The following EEPD1 variants were observed in gnomAD, a reference collection of about 807,000 sequenced individuals.
The protein encoded by EEPD1 is endonuclease/exonuclease/phosphatase family domain containing 1, also known as endonuclease/exonuclease/phosphatase family domain-containing protein 1.
In EEPD1, 17 loss-of-function variants were observed where a neutral mutation model predicts 46.3. The ratio of observed to expected loss-of-function variants is 0.37; its 90% CI spans 0.25 to 0.55. The LOEUF (loss-of-function observed/expected upper bound fraction) is 0.55. EEPD1 is among the 20% of genes least tolerant of loss of function. The probability of loss-of-function intolerance (pLI) is 0.83; values close to 1 mark genes in which losing one functional copy is unlikely to be tolerated. For synonymous variants in EEPD1, 313 were observed against 315.6 expected, an observed-to-expected ratio of 0.99 and a Z score of 0.09; for missense variants, 673 against 745.6, an observed-to-expected ratio of 0.90 and a Z score of 1.13.
chr7:36,270,429 G>C (rs58844587), intron 3 of EEPD1, among the ~76,000 whole-genome samples: 3 of 152,054 alleles, frequency 2.0e-5, no homozygotes, highest in Non-Finnish European at 4.4e-5. Flanking sequence ...ATCTACATTA[G>C]GTATATCTCC....
chr7:36,198,359 G>GAAAAAAAAAAAA (rs1381831424), intron 2 of EEPD1, among the ~76,000 whole-genome samples: 11 of 39,638 alleles, frequency 2.8e-4, no homozygotes, highest in East Asian at 7.5e-4. Context: ...AAAAAAAAAA[G>GAAAAAAAAAAAA]AAAGATATTT....
chr7:36,162,893 G>A (rs981345241), intron 2 of EEPD1, among the ~76,000 whole-genome samples: 1 of 152,162 alleles, frequency 6.6e-6, no homozygotes, highest in African/African-American at 2.4e-5. Flanking sequence ...ATTTAAGGTT[G>A]CACATGCTTT....
chr7:36,231,599 C>T (rs1786329902), intron 2 of EEPD1, among the ~76,000 whole-genome samples: 1 of 152,148 alleles, frequency 6.6e-6, no homozygotes, highest in Non-Finnish European at 1.5e-5. Flanking sequence ...GAAGCAGCTT[C>T]CTAACCCCTG....
At position 36,195,735 on chromosome 7, in the gene EEPD1, G is replaced by A. The variant is rs534414385; in HGVS notation, c.878+40533G>A. 3.9e-5 allele frequency among the ~76,000 whole-genome samples: 6 copies of A among 152,246 alleles called. No individual in the cohort carries two copies. The South Asian group carries it at 1.2e-3, about 32-fold the overall frequency. Reference sequence around the variant, plus strand: ...ATGTATTCTATAATTGAAAATTACTGAGAGTAGATTATAAGTGTTCTTATC... The same window carrying A: ...ATGTATTCTATAATTGAAAATTACTAAGAGTAGATTATAAGTGTTCTTATC... On this transcript the variant is annotated intron_variant, in intron 2 of 7. Coordinates refer to ENST00000242108, the MANE Select transcript of EEPD1 (RefSeq NM_030636.3).
chr7:36,172,458 CT>C (rs1186428437), intron 2 of EEPD1, among the ~76,000 whole-genome samples: 1 of 152,148 alleles, frequency 6.6e-6, no homozygotes, highest in African/African-American at 2.4e-5. Flanking sequence ...CTCTGTGCCC[CT>C]TCTGCCGTAC....
intron 2 of EEPD1, among the ~76,000 whole-genome samples, chr7:36,197,890 T>TA (rs879300933): frequency 6.0e-3 from 804 of 133,026 alleles, no homozygotes; most frequent in Non-Finnish European, 9.8e-3. Context: ...GAATGATCAA[T>TA]AAAAAAAAAA....
intron 2 of EEPD1, among the ~76,000 whole-genome samples, chr7:36,162,776 T>C (rs1784920413): frequency 6.6e-6 from 1 of 152,272 alleles, no homozygotes; most frequent in Non-Finnish European, 1.5e-5. Flanking sequence ...GGTTCAGCCG[T>C]TACCTGATTA....
At chr7:36,240,343 C>T (rs1201687245) in intron 3 of EEPD1, among the ~76,000 whole-genome samples, 3 of 152,182 alleles carry the variant, frequency 2.0e-5, no homozygotes, top group Non-Finnish European at 4.4e-5. Flanking sequence ...TTAAAATGAA[C>T]ACCAACCAGT....
intron 3 of EEPD1, among the ~76,000 whole-genome samples, chr7:36,264,160 A>T (rs1019089378): frequency 6.6e-6 from 1 of 152,222 alleles, no homozygotes; most frequent in Admixed American, 6.5e-5. Flanking sequence ...GGCATACAGA[A>T]TTGCAGTTTG....
intron 5 of EEPD1, among the ~76,000 whole-genome samples, chr7:36,285,935 G>A (rs924855049): frequency 3.9e-5 from 6 of 152,254 alleles, no homozygotes; most frequent in African/African-American, 1.4e-4. Flanking sequence ...TGATATTGAT[G>A]GGGCTCTGTC....
rs2516 is a variant in EEPD1, at chr7:36,299,660, C to G, written c.*454C>G. On this transcript the variant is annotated 3_prime_UTR_variant, in exon 8 of 8. Coordinates refer to ENST00000242108, the MANE Select transcript of EEPD1 (RefSeq NM_030636.3). ...GAAAGCTTTTAACTGTGATCAGGCA[C>G]TCTGCTCAGATACATTGAGTGGCGA... 120,186 of 167,650 alleles carry G rather than the reference C, an allele frequency of 0.72. 45,393 individuals are homozygous for G. The highest frequency in any genetic ancestry group is 0.82 in the South Asian group (5,144 of 6,284). The allele number at this position is 167,650 out of a possible 1,614,324, so 10.4% of individuals were successfully genotyped here.
At position 36,213,305 on chromosome 7, in the gene EEPD1, G is replaced by A. The variant is rs892951485; in HGVS notation, c.879-25680G>A. ...GATGTGGTGGATGAAGTGGGGAATGGGGGCGTTCAAGAATAGTGTGACTCG... is the reference window on the plus strand; with the variant it reads ...GATGTGGTGGATGAAGTGGGGAATGAGGGCGTTCAAGAATAGTGTGACTCG... On this transcript the variant is annotated intron_variant, in intron 2 of 7. Coordinates refer to ENST00000242108, the MANE Select transcript of EEPD1 (RefSeq NM_030636.3). 2.0e-5 allele frequency among the ~76,000 whole-genome samples: 3 copies of A among 152,212 alleles called. 1 individual carries two copies. The highest frequency in any genetic ancestry group is 7.2e-5 in the African/African-American group (3 of 41,456).
intron 3 of EEPD1, among the ~76,000 whole-genome samples, chr7:36,255,420 T>G (rs918061600): frequency 2.6e-5 from 4 of 152,214 alleles, no homozygotes; most frequent in Admixed American, 6.5e-5. Flanking sequence ...GTTGTTTTTG[T>G]CAGGTTTGTC....
At position 36,154,416 on chromosome 7, in the gene EEPD1, G is replaced by A; in HGVS notation, c.92G>A (p.Ser31Asn). 2.5e-6 allele frequency: 4 copies of A among 1,614,164 alleles called. No homozygotes were observed. The highest frequency in any genetic ancestry group is 3.4e-6 in the Non-Finnish European group (4 of 1,180,050). ...SRKFSAACNF[S>N]NILVNQERLN... is the part of the protein sequence containing the mutation. ...AAGTTCAGCGCAGCCTGTAACTTCA[G>A]CAACATTCTAGTGAATCAGGAGCGG... Residue 31 changes from serine to asparagine, a missense_variant, in exon 2 of 8, where the codon AGC becomes AAC. Transcript: ENST00000242108. The surrounding 1 kb of genome is among the most constrained non-coding windows in gnomAD (Gnocchi z 4.2).
chr7:36,157,772 G>A (rs1461628940), intron 2 of EEPD1, among the ~76,000 whole-genome samples: 1 of 152,148 alleles, frequency 6.6e-6, no homozygotes, highest in Non-Finnish European at 1.5e-5. Flanking sequence ...CTTCAGAGTA[G>A]GGTGAGTGCT....
intron 4 of EEPD1, among the ~76,000 whole-genome samples, 176 bp from the exon 5 acceptor site, chr7:36,284,510 G>A (rs994778896): frequency 6.6e-6 from 1 of 152,198 alleles, no homozygotes; most frequent in African/African-American, 2.4e-5. Flanking sequence ...GAAATTATTT[G>A]GGCTGGGGAA....
intron 3 of EEPD1, among the ~76,000 whole-genome samples, chr7:36,258,306 G>C (rs527418915): frequency 6.6e-6 from 1 of 152,222 alleles, no homozygotes; most frequent in Non-Finnish European, 1.5e-5. Flanking sequence ...CACAGGGTCA[G>C]GGACCCACTT....
intron 3 of EEPD1, among the ~76,000 whole-genome samples, chr7:36,265,918 A>C (rs576101523): frequency 2.0e-5 from 3 of 152,236 alleles, no homozygotes; most frequent in Non-Finnish European, 2.9e-5. Flanking sequence ...TGTAACAGGC[A>C]TGGCTGGCAT....
intron 2 of EEPD1, among the ~76,000 whole-genome samples, chr7:36,157,404 T>C (rs1784842973): frequency 6.6e-6 from 1 of 152,250 alleles, no homozygotes; most frequent in Non-Finnish European, 1.5e-5. Flanking sequence ...GCCTCAGCGC[T>C]GGCTCCACCC....
Sources: allele counts gnomAD v4.1 joint callset (sites outside exome capture counted in the v4.1 genomes callset), GRCh38; gene constraint gnomAD v4.1.1; non-coding constraint Gnocchi (gnomAD v3.1); transcripts MANE v1.5; gene names NCBI Gene and HGNC (gene_info 2026-07-23, HGNC 2026-07-21).